SYNE2: variants seen among roughly 807,000 people sequenced by gnomAD.
SYNE2 encodes the protein nesprin-2.
A neutral mutation model predicts 856.3 loss-of-function variants in SYNE2; 431 were observed. The observed-to-expected ratio is 0.50, with a 90% confidence interval of 0.47 to 0.55. SYNE2 has a LOEUF of 0.55. Ranked by LOEUF, SYNE2 falls within the 20% of genes least tolerant of loss-of-function variation. SYNE2 has a pLI of 0.00. For missense variants in SYNE2, 8,129 were observed against 8,023.2 expected, an observed-to-expected ratio of 1.01 and a Z score of -0.50; for synonymous variants, 2,923 against 2,872.3, an observed-to-expected ratio of 1.02 and a Z score of -0.56.
rs555068634 is a variant in SYNE2, at chr14:63,779,861, A to C, written c.-305+17875A>C. On this transcript the variant is annotated intron_variant, in intron 1 of 23. Transcript: ENST00000674003. ...GGGCTTGAACTGGGGCGGGGTGAGCAGGGGCGGAGATGGGCAGAGTTTGCA... is the reference window on the plus strand; with the variant it reads ...GGGCTTGAACTGGGGCGGGGTGAGCCGGGGCGGAGATGGGCAGAGTTTGCA... Among the ~76,000 whole-genome samples, 9 of 152,202 alleles carry C rather than the reference A, an allele frequency of 5.9e-5. No homozygotes were observed. In the East Asian group the frequency reaches 1.7e-3, roughly 29 times the overall value.
intron 14 of SYNE2, among the ~76,000 whole-genome samples, chr14:63,979,885 G>A (rs2096572842): frequency 6.6e-6 from 1 of 152,032 alleles, no homozygotes; most frequent in South Asian, 2.1e-4. Context: ...CAGCCTGGGC[G>A]ACAGAGCAAG....
chr14:63,901,849 A>C (rs2095341474), intron 1 of SYNE2, among the ~76,000 whole-genome samples: 1 of 152,268 alleles, frequency 6.6e-6, no homozygotes, highest in South Asian at 2.1e-4. Context: ...ACTTGAGCCC[A>C]GGGAAGTTGA....
chr14:63,879,987 TTTA>T (rs2094821705), intron 1 of SYNE2, among the ~76,000 whole-genome samples: 1 of 152,248 alleles, frequency 6.6e-6, no homozygotes, highest in South Asian at 2.1e-4. Context: ...CTGGTTATGT[TTTA>T]TTTTATGAAT....
chr14:64,132,139 C>A, intron 76 of SYNE2, 126 bp from the exon 77 acceptor site: 1 of 1,124,692 alleles, frequency 8.9e-7, no homozygotes, highest in Non-Finnish European at 1.3e-6. Flanking sequence ...GTCAATTTGA[C>A]TCTACACGGA....
At chr14:63,833,312 G>A (rs1436589226) in intron 1 of SYNE2, among the ~76,000 whole-genome samples, 2 of 152,116 alleles carry the variant, frequency 1.3e-5, no homozygotes, top group South Asian at 2.1e-4. Flanking sequence ...CCACATACAT[G>A]TTCTGCCATA....
chr14:64,044,007 G>A (rs912810502), intron 45 of SYNE2, among the ~76,000 whole-genome samples: 2 of 152,170 alleles, frequency 1.3e-5, no homozygotes, highest in African/African-American at 4.8e-5. Flanking sequence ...ACAGACACAT[G>A]CCACCACACC....
intron 11 of SYNE2, among the ~76,000 whole-genome samples, chr14:63,975,473 T>C (rs1298240056): frequency 6.6e-6 from 1 of 152,018 alleles, no homozygotes; most frequent in Non-Finnish European, 1.5e-5. Flanking sequence ...GCTGAGACTA[T>C]AGGTGTGCAC....
chr14:64,031,694 A>G (rs1386148508), intron 45 of SYNE2, among the ~76,000 whole-genome samples: 2 of 152,184 alleles, frequency 1.3e-5, no homozygotes, highest in Non-Finnish European at 2.9e-5. Context: ...TTTTCTCAGG[A>G]AAAAAATCCA....
At chr14:64,129,992 A>G (rs2097997594) in intron 75 of SYNE2, 56 bp from the exon 76 acceptor site, 2 of 1,613,340 alleles carry the variant, frequency 1.2e-6, no homozygotes, top group Admixed American at 1.7e-5. Flanking sequence ...TTTGTCTTTC[A>G]GTTATTGCCC....
At position 64,225,435 on chromosome 14, in the gene SYNE2, C is replaced by A. The variant is rs531524046; in HGVS notation, c.20633C>A (p.Ser6878Tyr). The A allele has an allele frequency of 8.3e-4, 1,342 of 1,614,180 alleles. 1 individual carries two copies. The highest frequency in any genetic ancestry group is 1.0e-3 in the Non-Finnish European group (1,211 of 1,180,002). The change falls in exon 116 of 116, where the codon TCC becomes TAC. Residue 6878 changes from serine to tyrosine, a missense_variant. This residue lies in a region of SYNE2 where 5,410 missense variants were observed against 5,284.8 expected (regional missense o/e 1.02). Coordinates refer to ENST00000555002, the MANE Select transcript of SYNE2 (RefSeq NM_182914.3). ...LLLLACLLPS[S>Y]EEDYSCTQAN... Reference sequence around the variant, plus strand: ...CTCCTGGCCTGCCTGCTGCCCTCCTCCGAAGAAGACTACAGCTGCACTCAG... The same window carrying A: ...CTCCTGGCCTGCCTGCTGCCCTCCTACGAAGAAGACTACAGCTGCACTCAG...
rs186270184 is a variant in SYNE2 at position 64,016,393 on chromosome 14, A to C, written c.4729-80A>C. 1.2e-5 allele frequency: 11 copies of C among 951,968 alleles called. No individual in the cohort carries two copies. In the East Asian group the frequency reaches 2.6e-4, roughly 23 times the overall value. 59.0% of individuals were successfully genotyped at this position (951,968 alleles called of 1,614,324 possible). Reference sequence around the variant, plus strand: ...TTGTTGGGTATTGTTTTTAAGCTCAATATCCAACAATAGAATTGTGATTCT... The same window carrying C: ...TTGTTGGGTATTGTTTTTAAGCTCACTATCCAACAATAGAATTGTGATTCT... On this transcript the variant is annotated intron_variant, in intron 32 of 115. Coordinates refer to ENST00000555002, the MANE Select transcript of SYNE2 (RefSeq NM_182914.3).
At chr14:64,163,624 G>T (rs2098346248) in intron 89 of SYNE2, 43 bp downstream of exon 89, 3 of 1,609,104 alleles carry the variant, frequency 1.9e-6, no homozygotes, top group Non-Finnish European at 8.5e-7. Context: ...TTAGACATTT[G>T]CATTCCATCC....
At chr14:63,784,682 A>C (rs935202657) in intron 1 of SYNE2, among the ~76,000 whole-genome samples, 4 of 151,958 alleles carry the variant, frequency 2.6e-5, no homozygotes, top group Admixed American at 2.0e-4. Flanking sequence ...TTATATAAAA[A>C]TAGTTTATGC....
chr14:64,071,266 G>A (rs776448218), intron 52 of SYNE2, among the ~76,000 whole-genome samples: 5 of 151,954 alleles, frequency 3.3e-5, no homozygotes, highest in Non-Finnish European at 7.4e-5. Flanking sequence ...AGGCTGAGGC[G>A]GGCAGATCAC....
chr14:63,974,892 G>GTATATATATATATA lies in SYNE2; in HGVS notation c.1129-1659_1129-1646dup, dbSNP rs145247655. Among the ~76,000 whole-genome samples the GTATATATATATATA allele has an allele frequency of 3.8e-3, 258 of 67,222 alleles. 5 individuals carry two copies. Among genetic ancestry groups the GTATATATATATATA allele is most frequent in the Admixed American group, 8.1e-3 (34 of 4,204 alleles). 44.1% of individuals were successfully genotyped at this position (67,222 alleles called of 152,430 possible). A position where few individuals can be genotyped will look rare whatever the true frequency, so the allele number is the denominator to read the frequency against. ...TGTGTGTGTGTGTGTGTGTGTGTGTGTATATATATATATATATATATATAT... is the reference window on the plus strand; with the variant it reads ...TGTGTGTGTGTGTGTGTGTGTGTGTGTATATATATATATATATATATATATATATATATATATAT... On this transcript the variant is annotated intron_variant, in intron 11 of 115. Coordinates refer to ENST00000555002, the MANE Select transcript of SYNE2 (RefSeq NM_182914.3).
chr14:63,973,396 C>T (rs2096495443), intron 11 of SYNE2, among the ~76,000 whole-genome samples: 1 of 151,964 alleles, frequency 6.6e-6, no homozygotes, highest in Non-Finnish European at 1.5e-5. Context: ...CTTTGGGAGG[C>T]CGAGGCGGGC....
intron 1 of SYNE2, among the ~76,000 whole-genome samples, chr14:63,770,663 AC>A (rs1156901992): frequency 6.6e-6 from 1 of 151,972 alleles, no homozygotes; most frequent in Non-Finnish European, 1.5e-5. Context: ...GGTGGCACAT[AC>A]CTGTGGTCCC....
intron 1 of SYNE2, among the ~76,000 whole-genome samples, chr14:63,817,623 AAACCAATGTAACATAT>A (rs1889045295): frequency 6.6e-6 from 1 of 152,368 alleles, no homozygotes; most frequent in South Asian, 2.1e-4. Context: ...TATAGTCAAT[AAACCAATGTAACATAT>A]TAACAAGACT....
intron 94 of SYNE2, 93 bp from the exon 95 acceptor site, chr14:64,174,851 A>G: frequency 8.2e-7 from 1 of 1,212,946 alleles, no homozygotes; most frequent in East Asian, 2.4e-5. Context: ...TTAACTCTTA[A>G]GAAAAGCTCT....
Sources: gnomAD v4.1 joint callset for allele counts (sites outside exome capture counted in the v4.1 genomes callset) on GRCh38, gnomAD v4.1.1 for gene constraint, gnomAD v4.1.1 regional missense constraint, MANE v1.5 for transcripts, NCBI Gene and HGNC (gene_info 2026-07-23, HGNC 2026-07-21) for gene names.